The following GJC1 variants were observed in gnomAD, a reference collection of about 807,000 sequenced individuals.
GJC1 encodes gap junction gamma-1 protein.
In GJC1, 5 loss-of-function variants were observed where a neutral mutation model predicts 29.3. The observed-to-expected ratio is 0.17, with a 90% confidence interval of 0.09 to 0.36. GJC1 has a LOEUF of 0.36. Among genes scored for constraint, GJC1 ranks in the 10% least tolerant of loss-of-function variants. GJC1 has a pLI of 1.00. For missense variants in GJC1, 310 were observed against 496.2 expected, an observed-to-expected ratio of 0.62 and a Z score of 3.56; for synonymous variants, 177 against 183.3, an observed-to-expected ratio of 0.97 and a Z score of 0.28.
chr17:44,821,512 A>G (rs759533193), intron 1 of GJC1, among the ~76,000 whole-genome samples: 24 of 151,526 alleles, frequency 1.6e-4, no homozygotes, highest in Non-Finnish European at 3.2e-4. Flanking sequence ...AGCCTGACCA[A>G]TATTGGCGAA....
chr17:44,829,422 A>T (rs1054660217), intron 1 of GJC1: 1 of 152,204 alleles, frequency 6.6e-6, no homozygotes, highest in Non-Finnish European at 1.5e-5. Context: ...GTGGGGGAAA[A>T]GTCATTTTAA....
intron 1 of GJC1, among the ~76,000 whole-genome samples, chr17:44,824,831 G>A (rs1340858885): frequency 7.7e-6 from 1 of 129,132 alleles, no homozygotes; most frequent in Non-Finnish European, 1.6e-5. Flanking sequence ...AAAAAAATTA[G>A]TCAAGTGCAA....
chr17:44,817,875 T>C, intron 1 of GJC1, among the ~76,000 whole-genome samples: 1 of 152,026 alleles, frequency 6.6e-6, no homozygotes, highest in African/African-American at 2.4e-5. Context: ...ATGTACAGGT[T>C]CTATGTGACC....
intron 1 of GJC1, among the ~76,000 whole-genome samples, chr17:44,818,814 C>A (rs56984170): frequency 7.4e-5 from 11 of 149,600 alleles, no homozygotes; most frequent in African/African-American, 2.5e-4. Context: ...GGGTGTGGGG[C>A]GGGAAGAAGC....
chr17:44,813,796 A>C (rs1231193855), intron 1 of GJC1, among the ~76,000 whole-genome samples: 1 of 151,558 alleles, frequency 6.6e-6, no homozygotes, highest in Non-Finnish European at 1.5e-5. Flanking sequence ...CCCGGCCACA[A>C]GTTACCCATT....
chr17:44,798,325 T>C (rs1158687526), downstream of GJC1: 1 of 152,314 alleles, frequency 6.6e-6, no homozygotes, highest in East Asian at 1.9e-4. Context: ...AGCTTTTCTG[T>C]GTATATCACT....
chr17:44,804,607 A>G lies in GJC1; in HGVS notation c.*20T>C. 6.5e-7 allele frequency: 1 copy of G among 1,548,072 alleles called. No individual in the cohort carries two copies. The highest frequency in any genetic ancestry group is 1.2e-5 in the South Asian group (1 of 85,964). On this transcript the variant is annotated 3_prime_UTR_variant, in exon 3 of 3. Transcript: ENST00000592524. ...GCTTACCATAAACTATGAAAAGCAC[A>G]GGTTTTAAGCCCGCCAGGATTAAAT...
intron 1 of GJC1, chr17:44,807,803 C>G (rs527512364): frequency 2.0e-5 from 3 of 152,248 alleles, no homozygotes; most frequent in South Asian, 2.1e-4. Context: ...AAATTGAAAG[C>G]AGGTCACTAA....
At chr17:44,811,683 G>C (rs1489024358) in intron 1 of GJC1, among the ~76,000 whole-genome samples, 3 of 151,936 alleles carry the variant, frequency 2.0e-5, no homozygotes, top group Non-Finnish European at 4.4e-5. Context: ...CACTATGCCT[G>C]GCCTCTTTCT....
chr17:44,806,289 G>A (rs1163158512), intron 2 of GJC1, among the ~76,000 whole-genome samples: 1 of 151,840 alleles, frequency 6.6e-6, no homozygotes, highest in Non-Finnish European at 1.5e-5. Context: ...ACACCTGTTG[G>A]CCCCACAAGG....
Position 44,804,967 on chromosome 17 carries a change from G to A in GJC1, c.851C>T (p.Pro284Leu). The change falls in exon 3 of 3, where the codon CCA (proline) becomes CTA (leucine). Residue 284 changes from proline to leucine, a missense_variant. Pro to Leu is a moderately conservative substitution (Grantham distance 98). This residue lies in a region of GJC1 where 146 missense variants were observed against 165.0 expected (regional missense o/e 0.88). Coordinates refer to ENST00000592524, the MANE Select transcript of GJC1 (RefSeq NM_005497.4). ...AYNYPFTWNT[P>L]SAPPGYNIAV... The stretch of plus-strand genomic sequence containing the variant: ...AATGTTATAGCCAGGGGGAGCAGAT[G>A]GTGTATTCCAAGTGAAAGGATAATT... The A allele has an allele frequency of 6.2e-7, 1 of 1,613,972 alleles. No individual in the cohort carries two copies. The highest frequency in any genetic ancestry group is 8.5e-7 in the Non-Finnish European group (1 of 1,179,904).
chr17:44,829,695 G>T (rs1183902408), intron 1 of GJC1: 1 of 152,012 alleles, frequency 6.6e-6, no homozygotes, highest in Non-Finnish European at 1.5e-5. Context: ...GGTAGTTGTC[G>T]GCACCGCCGG....
rs113327535 is a variant in GJC1 at position 44,818,913 on chromosome 17, T to G, written c.-97+11149A>C. Among the ~76,000 whole-genome samples, 631 of 152,002 alleles carry G rather than the reference T, an allele frequency of 4.2e-3. 2 individuals are homozygous for G. Among genetic ancestry groups the G allele is most frequent in the African/African-American group, 0.014 (591 of 41,456 alleles). The stretch of plus-strand genomic sequence containing the variant: ...ACTTCAGCTCAGGAGTTCAAGACCA[T>G]CCTAGACAACATGGCGAGACCCCGT... On this transcript the variant is annotated intron_variant, in intron 1 of 2. Transcript: ENST00000592524.
downstream of GJC1, among the ~76,000 whole-genome samples, chr17:44,798,044 A>G (rs921949062): frequency 6.6e-5 from 10 of 152,208 alleles, no homozygotes; most frequent in Admixed American, 5.9e-4. Flanking sequence ...GCACTCCAGG[A>G]AAGGCCTCCA....
intron 1 of GJC1, among the ~76,000 whole-genome samples, chr17:44,809,856 C>A (rs957215290): frequency 1.3e-5 from 2 of 150,864 alleles, no homozygotes; most frequent in Non-Finnish European, 2.9e-5. Context: ...CGTGAGCCAC[C>A]ACGCCCAGCC....
chr17:44,799,950 C>T lies in GJC1; in HGVS notation c.*4677G>A, dbSNP rs919098053. Reference sequence around the variant, plus strand: ...AAACATCAATAGAACTACATAGGGACAACAGCAAATACAAATCTTTAAACA... The same window carrying T: ...AAACATCAATAGAACTACATAGGGATAACAGCAAATACAAATCTTTAAACA... On this transcript the variant is annotated 3_prime_UTR_variant, in exon 3 of 3. Coordinates refer to ENST00000592524, the MANE Select transcript of GJC1 (RefSeq NM_005497.4). The T allele has an allele frequency of 3.3e-5, 5 of 152,130 alleles. No individual in the cohort carries two copies. Among genetic ancestry groups the T allele is most frequent in the Non-Finnish European group, 7.3e-5 (5 of 68,044 alleles). The allele number at this position is 152,130 out of a possible 1,614,324, so 9.4% of individuals were successfully genotyped here.
intron 1 of GJC1, among the ~76,000 whole-genome samples, chr17:44,822,643 CAAAA>C (rs11423012): frequency 2.5e-5 from 2 of 80,266 alleles, no homozygotes; most frequent in Non-Finnish European, 4.5e-5. Flanking sequence ...AACTCCATCT[CAAAA>C]AAAAAAAAAA....
downstream of GJC1, among the ~76,000 whole-genome samples, chr17:44,795,796 G>C (rs780811493): frequency 9.9e-5 from 15 of 152,230 alleles, no homozygotes; most frequent in Admixed American, 7.9e-4. Flanking sequence ...TAGGCGGCTT[G>C]TGTTAGTTCA....
chr17:44,804,955 G>A lies in GJC1; in HGVS notation c.863C>T (p.Pro288Leu), dbSNP rs868548258. The A allele has an allele frequency of 1.9e-6, 3 of 1,614,092 alleles. No individual in the cohort carries two copies. The highest frequency in any genetic ancestry group is 1.7e-4 in the Middle Eastern group (1 of 6,060). Residue 288 changes from proline to leucine, a missense_variant, in exon 3 of 3, where the codon CCT becomes CTT. Coordinates refer to ENST00000592524, the MANE Select transcript of GJC1 (RefSeq NM_005497.4). The stretch of plus-strand genomic sequence containing the variant: ...TGGTTTGACAGCAATGTTATAGCCA[G>A]GGGGAGCAGATGGTGTATTCCAAGT... ...PFTWNTPSAP[P>L]GYNIAVKPDQ...
Sources: gnomAD v4.1 joint callset for allele counts (sites outside exome capture counted in the v4.1 genomes callset) on GRCh38, gnomAD v4.1.1 for gene constraint, gnomAD v4.1.1 regional missense constraint, MANE v1.5 for transcripts, NCBI Gene and HGNC (gene_info 2026-07-23, HGNC 2026-07-21) for gene names.